Variants in IL20 observed in about 807,000 individuals in gnomAD.
IL20 encodes interleukin-20.
A neutral mutation model predicts 19.2 loss-of-function variants in IL20; 22 were observed. The observed-to-expected ratio is 1.15, with a 90% CI of 0.82 to 1.64. The LOEUF is 1.64. IL20 is among the 40% of genes most tolerant of loss of function. IL20 has a pLI of 0.00. For missense variants in IL20, 215 were observed against 212.8 expected, an observed-to-expected ratio of 1.01 and a Z score of -0.06; for synonymous variants, 70 against 76.2, an observed-to-expected ratio of 0.92 and a Z score of 0.43.
rs771532281 is a variant in IL20 at position 206,866,472 on chromosome 1, G to C, written c.226-12G>C. ...CCTTTCCCCTCACCAATATACCTGT[G>C]GTTTTTTGCAGCCTGCGAATCGATG... On this transcript the variant is annotated splice_polypyrimidine_tract_variant and intron_variant, in intron 3 of 5. Transcript: ENST00000367098. 1 of 1,614,014 alleles carries C rather than the reference G, an allele frequency of 6.2e-7. No homozygotes were observed. The highest frequency in any genetic ancestry group is 1.1e-5 in the South Asian group (1 of 91,050).
rs771909457 is a variant in IL20, at chr1:206,865,925, C to T, written c.73C>T (p.Leu25=). ...TCTCCTATGGACTCCTTCCACTGGACTGAAGACACTCAATTTGGGAAGCTG... is the reference window on the plus strand; with the variant it reads ...TCTCCTATGGACTCCTTCCACTGGATTGAAGACACTCAATTTGGGAAGCTG... The part of the protein sequence containing the change: ...FYLLWTPSTG[L]KTLNLGSCVI... Residue 25 remains leucine (L), a synonymous_variant, in exon 2 of 6, where the codon CTG becomes TTG. Transcript: ENST00000367098. The surrounding 1 kb of genome is among the most constrained non-coding windows in gnomAD (Gnocchi z 4.1). 3 of 1,614,136 alleles carry T rather than the reference C, an allele frequency of 1.9e-6. No individual in the cohort carries two copies. The South Asian group carries it at 3.3e-5, about 18-fold the overall frequency.
In IL20 at chr1:206,866,288, C is replaced by G. The variant is rs980693580; in HGVS notation, c.160-11C>G. The stretch of plus-strand genomic sequence containing the variant: ...GACTCATCCTTGCTTGTTTTGTCTT[C>G]TTCTGTTTAGCAAGCCAAAGATGGA... On this transcript the variant is annotated splice_polypyrimidine_tract_variant and intron_variant, in intron 2 of 5. Transcript: ENST00000367098. 1.2e-6 allele frequency: 2 copies of G among 1,613,802 alleles called. No individual in the cohort carries two copies. The highest frequency in any genetic ancestry group is 1.7e-6 in the Non-Finnish European group (2 of 1,179,820).
chr1:206,864,689 G>A (rs918126507), upstream of IL20, among the ~76,000 whole-genome samples: 1 of 152,114 alleles, frequency 6.6e-6, no homozygotes, highest in African/African-American at 2.4e-5. Flanking sequence ...CATGTGAATA[G>A]TGGTACAAAT....
At position 206,868,610 on chromosome 1, in the gene IL20, C is replaced by T. The variant is rs75970770; in HGVS notation, c.*46C>T. The T allele has an allele frequency of 1.5e-3, 2,143 of 1,449,814 alleles. 31 individuals carry two copies. The African/African-American group carries it at 0.027, about 19-fold the overall frequency. The allele number at this position is 1,449,814 out of a possible 1,614,324, so 89.8% of individuals were successfully genotyped here. A position where few individuals can be genotyped will look rare whatever the true frequency, so the allele number is the denominator to read the frequency against. The stretch of plus-strand genomic sequence containing the variant: ...TAAGAATATTCGAGGTCAAGAGCTC[C>T]AGTCTTCAATACCTGCAGAGGAGGC... On this transcript the variant is annotated 3_prime_UTR_variant, in exon 6 of 6. Transcript: ENST00000367098.
chr1:206,867,472 T>C lies in IL20; in HGVS notation c.453+14T>C, dbSNP rs746662287. ...CACTTTGAAAAGGTATATGCGACTTTGGCATTGATTGGGATGGGTGTGTTT... is the reference window on the plus strand; with the variant it reads ...CACTTTGAAAAGGTATATGCGACTTCGGCATTGATTGGGATGGGTGTGTTT... On this transcript the variant is annotated intron_variant, in intron 5 of 5. Coordinates refer to ENST00000367098, the MANE Select transcript of IL20 (RefSeq NM_018724.4). The C allele has an allele frequency of 2.6e-5, 42 of 1,604,418 alleles. No individual in the cohort carries two copies. Among genetic ancestry groups the C allele is most frequent in the Non-Finnish European group, 6.8e-6 (8 of 1,171,376 alleles).
rs1018240740 is a variant in IL20, at chr1:206,868,630, G to A, written c.*66G>A. 1 of 1,236,604 alleles carries A rather than the reference G, an allele frequency of 8.1e-7. No homozygotes were observed. Among genetic ancestry groups the A allele is most frequent in the African/African-American group, 1.5e-5 (1 of 65,942 alleles). 76.6% of individuals were successfully genotyped at this position (1,236,604 alleles called of 1,614,324 possible). On this transcript the variant is annotated 3_prime_UTR_variant, in exon 6 of 6. Coordinates refer to ENST00000367098, the MANE Select transcript of IL20 (RefSeq NM_018724.4). ...AGCTCCAGTCTTCAATACCTGCAGA[G>A]GAGGCATGACCCCAAACCACCATCT... is the stretch of plus-strand genomic sequence containing the variant.
chr1:206,866,616 A>T lies in IL20; in HGVS notation c.358A>T (p.Lys120Ter), dbSNP rs1230114246. The change falls in exon 4 of 6, where the codon AAG becomes TAG. Residue 120 changes from lysine to a stop codon, truncating the protein, a stop_gained. Coordinates refer to ENST00000367098, the MANE Select transcript of IL20 (RefSeq NM_018724.4). LOFTEE classifies it high-confidence loss of function. Reference protein sequence around the residue: ...SSLANSFLTIKKDLRLCHAHM... With the variant: ...SSLANSFLTI ...CCTCGCCAATTCCTTTCTTACCATCAAGAAGGACCTCCGGCTCTGTGTGAG... is the reference window on the plus strand; with the variant it reads ...CCTCGCCAATTCCTTTCTTACCATCTAGAAGGACCTCCGGCTCTGTGTGAG... 6.2e-7 allele frequency: 1 copy of T among 1,614,068 alleles called. No individual in the cohort carries two copies. Among genetic ancestry groups the T allele is most frequent in the Non-Finnish European group, 8.5e-7 (1 of 1,180,002 alleles).
At chr1:206,865,365 C>A, upstream of IL20, 1 of 355,576 alleles carries the variant, frequency 2.8e-6, no homozygotes, top group Non-Finnish European at 3.9e-6. This position sits in a 1 kb window ranked among gnomAD's most constrained non-coding sequence, Gnocchi z 4.1. Context: ...ATGGCGCAGC[C>A]ACAGCTTCTG....
At position 206,866,512 on chromosome 1, in the gene IL20, A is replaced by G. The variant is rs1336377596; in HGVS notation, c.254A>G (p.His85Arg). 3.7e-6 allele frequency: 6 copies of G among 1,613,844 alleles called. No homozygotes were observed. The highest frequency in any genetic ancestry group is 3.3e-5 in the Admixed American group (2 of 59,970). ...GCGAATCGATGCTGCCTCCTGCGCC[A>G]TTTGCTAAGACTCTATCTGGACAGG... ...KPANRCCLLR[H>R]LLRLYLDRVF... Residue 85 changes from histidine to arginine, a missense_variant, in exon 4 of 6, where the codon CAT (histidine) becomes CGT (arginine). Transcript: ENST00000367098.
At chr1:206,867,568 GC>G in intron 5 of IL20, 110 bp downstream of exon 5, 1 of 917,428 alleles carries the variant, frequency 1.1e-6, no homozygotes, top group Non-Finnish European at 1.8e-6. Flanking sequence ...CAGGTTCATA[GC>G]CCTCTGAAAT....
At chr1:206,867,801 C>T (rs1295359495) in intron 5 of IL20, among the ~76,000 whole-genome samples, 1 of 152,186 alleles carries the variant, frequency 6.6e-6, no homozygotes, top group Non-Finnish European at 1.5e-5. Context: ...TTCACACACA[C>T]ACCCATGCCA....
At chr1:206,865,294 TCA>T (rs1353774687), upstream of IL20, 1 of 155,658 alleles carries the variant, frequency 6.4e-6, no homozygotes, top group Non-Finnish European at 1.4e-5. The surrounding 1 kb of genome is among the most constrained non-coding windows in gnomAD (Gnocchi z 4.1). Context: ...CAAACAGAGC[TCA>T]GTTTCTCTGC....
At chr1:206,864,242 G>T (rs1478547057), upstream of IL20, among the ~76,000 whole-genome samples, 1 of 152,008 alleles carries the variant, frequency 6.6e-6, no homozygotes. Flanking sequence ...TTTGGGTTTG[G>T]TTTGCTTTTT....
At chr1:206,866,996 A>C (rs577546850) in intron 4 of IL20, among the ~76,000 whole-genome samples, 2 of 151,598 alleles carry the variant, frequency 1.3e-5, no homozygotes, top group Admixed American at 6.6e-5. Flanking sequence ...GCTTGACCTC[A>C]GAATATAGTC....
At chr1:206,864,189 A>T (rs1400752281), upstream of IL20, among the ~76,000 whole-genome samples, 1 of 152,080 alleles carries the variant, frequency 6.6e-6, no homozygotes, top group Admixed American at 6.6e-5. Context: ...ATTTATTTGG[A>T]CCCAGTTCTC....
intron 2 of IL20, 104 bp from the exon 3 acceptor site, chr1:206,866,195 C>A: frequency 2.4e-6 from 3 of 1,250,710 alleles, no homozygotes; most frequent in Non-Finnish European, 3.5e-6. Context: ...GGAAAGGACA[C>A]CTCCCACTAG....
intron 5 of IL20, among the ~76,000 whole-genome samples, 161 bp from the exon 6 acceptor site, chr1:206,868,326 C>T (rs2102506997): frequency 6.6e-6 from 1 of 152,154 alleles, no homozygotes; most frequent in East Asian, 1.9e-4. Flanking sequence ...GATTTCCCTT[C>T]CTTGTGTGAT....
upstream of IL20, chr1:206,865,499 CT>C (rs1243377109): frequency 9.6e-7 from 1 of 1,036,588 alleles, no homozygotes; most frequent in African/African-American, 1.7e-5. This position sits in a 1 kb window ranked among gnomAD's most constrained non-coding sequence, Gnocchi z 4.1. Context: ...GACATTTCCC[CT>C]GAAATGTCAT....
Position 206,865,755 on chromosome 1 carries a change from C to T in IL20, c.-30-68C>T, listed in dbSNP as rs1029264351. On this transcript the variant is annotated intron_variant, in intron 1 of 5. Coordinates refer to ENST00000367098, the MANE Select transcript of IL20 (RefSeq NM_018724.4). This position sits in a 1 kb window ranked among gnomAD's most constrained non-coding sequence, Gnocchi z 4.1. ...CTGTTCTCTTCCCCTGACCCCCCACCCCTCACCCCGTGGACACTTGGAGGA... is the reference window on the plus strand; with the variant it reads ...CTGTTCTCTTCCCCTGACCCCCCACTCCTCACCCCGTGGACACTTGGAGGA... The T allele has an allele frequency of 1.3e-6, 2 of 1,535,612 alleles. No homozygotes were observed. The highest frequency in any genetic ancestry group is 1.4e-5 in the African/African-American group (1 of 72,858).
Sources: gnomAD v4.1 joint callset for allele counts (sites outside exome capture counted in the v4.1 genomes callset) on GRCh38, gnomAD v4.1.1 for gene constraint, Gnocchi (gnomAD v3.1) non-coding constraint, MANE v1.5 for transcripts, NCBI Gene and HGNC (gene_info 2026-07-23, HGNC 2026-07-21) for gene names.